CTNND2: variants seen among roughly 807,000 people sequenced by gnomAD.
CTNND2 encodes the protein catenin delta 2, also known as catenin delta-2.
Under a neutral mutation model 144.4 loss-of-function variants are expected in CTNND2, and 22 were observed. The ratio of observed to expected loss-of-function variants is 0.15; its 90% CI spans 0.11 to 0.22. CTNND2 has a LOEUF of 0.22. Ranked by LOEUF, CTNND2 falls within the 10% of genes least tolerant of loss-of-function variation. The pLI, the probability that CTNND2 is intolerant of heterozygous loss-of-function variation, is 1.00. For missense variants in CTNND2, 1,353 were observed against 1,618.8 expected (o/e 0.84, Z 2.82); for synonymous variants, 751 against 695.6 (o/e 1.08, Z -1.25).
intron 1 of CTNND2, among the ~76,000 whole-genome samples, chr5:11,847,431 T>C (rs1342184359): frequency 1.3e-5 from 2 of 151,650 alleles, no homozygotes; most frequent in African/African-American, 4.8e-5. Context: ...TCTAAATAAG[T>C]AGGCTTCATA....
At chr5:11,143,841 C>T (rs1056983406) in intron 12 of CTNND2, among the ~76,000 whole-genome samples, 2 of 152,210 alleles carry the variant, frequency 1.3e-5, no homozygotes, top group Non-Finnish European at 2.9e-5. Flanking sequence ...CTGTGGGAGT[C>T]AGTGATGTTG....
At chr5:11,098,953 G>A (rs1751618667) in intron 14 of CTNND2, among the ~76,000 whole-genome samples, 2 of 152,190 alleles carry the variant, frequency 1.3e-5, no homozygotes, top group Non-Finnish European at 1.5e-5. Context: ...GGGATCGAGG[G>A]TGGAGGGTGG....
intron 9 of CTNND2, among the ~76,000 whole-genome samples, chr5:11,326,306 GAGA>G (rs1382328810): frequency 6.6e-6 from 1 of 152,180 alleles, no homozygotes; most frequent in East Asian, 1.9e-4. Flanking sequence ...TGCAAGAGTT[GAGA>G]AGGTTTGTCC....
At chr5:11,897,429 T>C (rs1208995709) in intron 1 of CTNND2, among the ~76,000 whole-genome samples, 2 of 152,172 alleles carry the variant, frequency 1.3e-5, no homozygotes, top group Non-Finnish European at 2.9e-5. Flanking sequence ...CTCCTATTAA[T>C]TGCAAAACAT....
chr5:11,316,395 T>C (rs915003479), intron 9 of CTNND2, among the ~76,000 whole-genome samples: 3 of 151,930 alleles, frequency 2.0e-5, no homozygotes, highest in Non-Finnish European at 2.9e-5. Flanking sequence ...CTGGCTAATC[T>C]AAGCACTTTA....
Position 11,017,967 on chromosome 5 carries a change from G to A in CTNND2, c.3084+7C>T. On this transcript the variant is annotated splice_region_variant and intron_variant, in intron 18 of 21. Transcript: ENST00000304623. ...TGGACTCAGGGCCCAGGTGAAGCCA[G>A]CCTTACCTTTTTGTAGAGACTCCTC... The A allele has an allele frequency of 6.2e-7, 1 of 1,612,140 alleles. No individual in the cohort carries two copies. The highest frequency in any genetic ancestry group is 1.7e-5 in the Admixed American group (1 of 59,984).
intron 3 of CTNND2, among the ~76,000 whole-genome samples, chr5:11,520,113 C>G (rs1772584805): frequency 6.8e-6 from 1 of 147,300 alleles, no homozygotes; most frequent in African/African-American, 2.5e-5. Context: ...CGCCACTGCA[C>G]TCTAGCCTGG....
At chr5:11,265,801 G>T (rs530265313) in intron 9 of CTNND2, among the ~76,000 whole-genome samples, 1 of 148,690 alleles carries the variant, frequency 6.7e-6, no homozygotes, top group South Asian at 2.1e-4. Flanking sequence ...CGCCTCCCAG[G>T]TCCCAGTTCA....
chr5:11,586,694 T>C (rs1256127515), intron 2 of CTNND2, among the ~76,000 whole-genome samples: 2 of 152,222 alleles, frequency 1.3e-5, no homozygotes, highest in Admixed American at 1.3e-4. Flanking sequence ...TTTTTCTTAA[T>C]TGTGTGGATA....
intron 1 of CTNND2, among the ~76,000 whole-genome samples, chr5:11,864,449 G>A (rs1489121904): frequency 6.6e-6 from 1 of 152,158 alleles, no homozygotes; most frequent in Non-Finnish European, 1.5e-5. Flanking sequence ...TACAACCAAA[G>A]GGAGTTAAAA....
chr5:11,091,914 C>T (rs1463296041), intron 15 of CTNND2, among the ~76,000 whole-genome samples: 1 of 152,152 alleles, frequency 6.6e-6, no homozygotes, highest in Non-Finnish European at 1.5e-5. Context: ...AAGGGGAGTC[C>T]TCTGCACATC....
intron 9 of CTNND2, among the ~76,000 whole-genome samples, chr5:11,283,355 G>T (rs569661812): frequency 1.3e-5 from 2 of 151,932 alleles, no homozygotes; most frequent in East Asian, 3.9e-4. Context: ...CAACTTCCTC[G>T]CTACTGTTAA....
chr5:11,124,305 G>C (rs1321754375), intron 12 of CTNND2, among the ~76,000 whole-genome samples: 1 of 152,082 alleles, frequency 6.6e-6, no homozygotes, highest in African/African-American at 2.4e-5. Context: ...GCAAAAAATT[G>C]GCTCTTTGGA....
chr5:11,601,577 C>T (rs924818289), intron 2 of CTNND2, among the ~76,000 whole-genome samples: 9 of 151,988 alleles, frequency 5.9e-5, no homozygotes, highest in African/African-American at 2.2e-4. Context: ...TAATTGTTCA[C>T]TTCTCACAAC....
chr5:11,612,047 A>G (rs1780357575), intron 2 of CTNND2, among the ~76,000 whole-genome samples: 1 of 131,580 alleles, frequency 7.6e-6, no homozygotes, highest in Non-Finnish European at 1.6e-5. Context: ...AGAAATCCTA[A>G]TATCAGGGGT....
intron 2 of CTNND2, among the ~76,000 whole-genome samples, chr5:11,575,845 C>G (rs1161716266): frequency 6.6e-6 from 1 of 152,078 alleles, no homozygotes; most frequent in African/African-American, 2.4e-5. Flanking sequence ...AGCCACCATT[C>G]TCCTTGTGAT....
intron 16 of CTNND2, among the ~76,000 whole-genome samples, chr5:11,046,319 T>C (rs756731234): frequency 1.3e-5 from 2 of 152,200 alleles, no homozygotes; most frequent in Non-Finnish European, 1.5e-5. Flanking sequence ...ATTGAGGCGA[T>C]GCTTCTACAA....
chr5:11,346,411 G>T lies in CTNND2; in HGVS notation c.1589C>A (p.Ala530Asp), dbSNP rs1263536460. The change falls in exon 9 of 22, where the codon GCC (alanine) becomes GAC (aspartate). Residue 530 changes from alanine (A) to aspartate (D), a missense_variant. Transcript: ENST00000304623. ...GPALPPEGTL[A>D]RSPSIDSIQK... ...AATGCTATCAATGGACGGGGACCTG[G>T]CCAAGGTGCCTTCAGGCGGGAGAGC... The T allele has an allele frequency of 6.6e-7, 1 of 1,526,078 alleles. No individual in the cohort carries two copies. Among genetic ancestry groups the T allele is most frequent in the Admixed American group, 2.1e-5 (1 of 48,380 alleles). The allele number at this position is 1,526,078 out of a possible 1,614,324, so 94.5% of individuals were successfully genotyped here. A position where few individuals can be genotyped will look rare whatever the true frequency, so the allele number is the denominator to read the frequency against.
chr5:11,832,843 A>C (rs1793979630), intron 1 of CTNND2, among the ~76,000 whole-genome samples: 1 of 152,164 alleles, frequency 6.6e-6, no homozygotes, highest in South Asian at 2.1e-4. Context: ...CAGGAGGCTG[A>C]GGCAGGAGGA....
Sources: allele counts gnomAD v4.1 joint callset (sites outside exome capture counted in the v4.1 genomes callset), GRCh38; gene constraint gnomAD v4.1.1; transcripts MANE v1.5; gene names NCBI Gene and HGNC (gene_info 2026-07-23, HGNC 2026-07-21).